Variants in C7 observed in about 807,000 individuals in gnomAD.
C7 encodes complement component C7.
Under a neutral mutation model 104.8 loss-of-function variants are expected in C7, and 83 were observed. The ratio of observed to expected loss-of-function variants is 0.79; its 90% confidence interval spans 0.66 to 0.95. C7 has a LOEUF of 0.95. Among genes scored for constraint, C7 ranks in the 40% least tolerant of loss-of-function variants. The pLI is 0.00. For synonymous variants in C7, 415 were observed against 360.6 expected (o/e 1.15, Z -1.71); for missense variants, 1,070 against 1,011.2 (o/e 1.06, Z -0.79).
In C7 at chr5:40,984,118, G is replaced by C. The variant is rs1020197816; in HGVS notation, c.*2545G>C. On this transcript the variant is annotated 3_prime_UTR_variant, in exon 18 of 18. Coordinates refer to ENST00000313164, the MANE Select transcript of C7 (RefSeq NM_000587.4). ...ATATTTCCTAATCGTTTTGAGAAGT[G>C]CCTTCCTGTGACATCTTATGTATTT... Among the ~76,000 whole-genome samples, 1 of 152,184 alleles carries C rather than the reference G, an allele frequency of 6.6e-6. No homozygotes were observed. Among genetic ancestry groups the C allele is most frequent in the Non-Finnish European group, 1.5e-5 (1 of 68,040 alleles).
At chr5:40,931,650 TG>T (rs1275688006) in intron 3 of C7, among the ~76,000 whole-genome samples, 1 of 152,244 alleles carries the variant, frequency 6.6e-6, no homozygotes, top group Non-Finnish European at 1.5e-5. Flanking sequence ...GGACTTAATG[TG>T]GATATTATAA....
intron 1 of C7, among the ~76,000 whole-genome samples, chr5:40,921,030 C>G (rs1321504448): frequency 2.2e-5 from 3 of 138,998 alleles, no homozygotes; most frequent in Admixed American, 7.5e-5. Flanking sequence ...GCCTGGGCGA[C>G]AGAGCAAGAC....
At chr5:40,969,530 C>T (rs1332430723) in intron 14 of C7, among the ~76,000 whole-genome samples, 1 of 152,154 alleles carries the variant, frequency 6.6e-6, no homozygotes, top group East Asian at 1.9e-4. Flanking sequence ...CTAGAGAAGA[C>T]TAACTTTTGT....
chr5:40,972,378 A>G (rs1336355337), intron 14 of C7, 25 bp from the exon 15 acceptor site: 1 of 1,600,100 alleles, frequency 6.2e-7, no homozygotes, highest in Non-Finnish European at 8.6e-7. Flanking sequence ...AACGACCCTT[A>G]TATTTTGCTC....
At chr5:40,923,769 A>AG (rs1739493013) in intron 1 of C7, among the ~76,000 whole-genome samples, 1 of 151,300 alleles carries the variant, frequency 6.6e-6, no homozygotes, top group East Asian at 1.9e-4. Flanking sequence ...AGTATGCGAG[A>AG]GGGGGAAAAT....
At chr5:40,925,118 T>A (rs1739524775) in intron 1 of C7, among the ~76,000 whole-genome samples, 1 of 152,234 alleles carries the variant, frequency 6.6e-6, no homozygotes, top group Non-Finnish European at 1.5e-5. Context: ...TTCAAACTTT[T>A]GTACTCTGCT....
intron 17 of C7, 69 bp downstream of exon 17, chr5:40,979,978 G>T: frequency 2.9e-6 from 4 of 1,391,166 alleles, no homozygotes; most frequent in South Asian, 3.3e-5. Flanking sequence ...TAAAAAATGT[G>T]GTTTCTAGTT....
intron 6 of C7, among the ~76,000 whole-genome samples, chr5:40,938,193 A>G (rs1457195256): frequency 6.6e-6 from 1 of 152,144 alleles, no homozygotes; most frequent in Non-Finnish European, 1.5e-5. Flanking sequence ...AGGCTCCTCT[A>G]TGCCCCTCTC....
intron 8 of C7, among the ~76,000 whole-genome samples, chr5:40,948,276 TAA>T (rs1385541437): frequency 1.1e-4 from 16 of 152,274 alleles, no homozygotes; most frequent in African/African-American, 3.9e-4. Context: ...CTGAATATCA[TAA>T]GTTTGTTTAC....
chr5:40,958,078 G>T lies in C7; in HGVS notation c.1306G>T (p.Val436Leu). ...GGTAAAGGAAGTACCTTGTGCCTCTGTGAAAAAACTATACCTGAAATGGGC... is the reference window on the plus strand; with the variant it reads ...GGTAAAGGAAGTACCTTGTGCCTCTTTGAAAAAACTATACCTGAAATGGGC... ...ELVKEVPCASVKKLYLKWALE... is the reference protein window; with the variant it reads ...ELVKEVPCASLKKLYLKWALE... The change falls in exon 11 of 18, where the codon GTG (valine) becomes TTG (leucine). Residue 436 changes from valine to leucine, a missense_variant. Physicochemically the swap from Val to Leu is conservative, Grantham distance 32. Coordinates refer to ENST00000313164, the MANE Select transcript of C7 (RefSeq NM_000587.4). The T allele has an allele frequency of 6.2e-7, 1 of 1,613,728 alleles. No homozygotes were observed. The highest frequency in any genetic ancestry group is 8.5e-7 in the Non-Finnish European group (1 of 1,179,730).
At chr5:40,940,398 G>A (rs1739910982) in intron 6 of C7, among the ~76,000 whole-genome samples, 1 of 152,144 alleles carries the variant, frequency 6.6e-6, no homozygotes, top group African/African-American at 2.4e-5. Context: ...AGATAGCAGA[G>A]GACTATTGTG....
At chr5:40,928,434 C>T in intron 1 of C7, 146 bp from the exon 2 acceptor site, 1 of 574,564 alleles carries the variant, frequency 1.7e-6, no homozygotes, top group East Asian at 3.2e-5. Context: ...GATATGTTAA[C>T]TGGCTTGATG....
chr5:40,934,881 T>C (rs971888549), intron 4 of C7, among the ~76,000 whole-genome samples: 5 of 152,232 alleles, frequency 3.3e-5, no homozygotes, highest in African/African-American at 4.8e-5. Context: ...TTCTCTCCTA[T>C]GCATGGGGTG....
At chr5:40,978,348 A>T (rs562119894) in intron 16 of C7, among the ~76,000 whole-genome samples, 9 of 152,136 alleles carry the variant, frequency 5.9e-5, no homozygotes, top group African/African-American at 2.2e-4. Context: ...TAATATTCTG[A>T]CTTTGCTGCT....
intron 1 of C7, among the ~76,000 whole-genome samples, chr5:40,926,377 TG>T (rs1040994895): frequency 2.0e-5 from 3 of 152,078 alleles, no homozygotes; most frequent in Non-Finnish European, 2.9e-5. Context: ...TTGCCACTTT[TG>T]CCACTTTTAT....
At chr5:40,928,427 A>T (rs1464232625) in intron 1 of C7, among the ~76,000 whole-genome samples, 153 bp from the exon 2 acceptor site, 1 of 152,218 alleles carries the variant, frequency 6.6e-6, no homozygotes, top group Non-Finnish European at 1.5e-5. Flanking sequence ...GGTGATAGAT[A>T]TGTTAACTGG....
chr5:40,965,455 C>A (rs1740522538), intron 14 of C7, among the ~76,000 whole-genome samples: 1 of 152,026 alleles, frequency 6.6e-6, no homozygotes, highest in Non-Finnish European at 1.5e-5. Context: ...TGTGAAATTT[C>A]TGAGTAATTG....
Position 40,959,569 on chromosome 5 carries a change from G to C in C7, c.1610G>C (p.Gly537Ala), listed in dbSNP as rs917062468. ...PPSGGGRSCVGETTESTQCED... is the reference protein window; with the variant it reads ...PPSGGGRSCVAETTESTQCED... ...AGTGGGGGTGGGAGATCCTGCGTTG[G>C]AGAAACGACAGAAAGCACACAATGC... Residue 537 changes from glycine to alanine, a missense_variant, in exon 12 of 18, where the codon GGA becomes GCA. Coordinates refer to ENST00000313164, the MANE Select transcript of C7 (RefSeq NM_000587.4). The C allele has an allele frequency of 6.8e-6, 11 of 1,609,508 alleles. No individual in the cohort carries two copies. The highest frequency in any genetic ancestry group is 8.5e-6 in the Non-Finnish European group (10 of 1,178,576).
intron 8 of C7, among the ~76,000 whole-genome samples, chr5:40,949,702 T>G (rs3792644): frequency 0.15 from 22,594 of 152,200 alleles, 1,726 homozygotes; most frequent in South Asian, 0.17. Context: ...GCCTCCCCTC[T>G]GAAGCTGATA....
Sources: allele counts gnomAD v4.1 joint callset (sites outside exome capture counted in the v4.1 genomes callset), GRCh38; gene constraint gnomAD v4.1.1; transcripts MANE v1.5; gene names NCBI Gene and HGNC (gene_info 2026-07-23, HGNC 2026-07-21).